SSC5D: variants seen among roughly 807,000 people sequenced by gnomAD.
The protein encoded by SSC5D is soluble scavenger receptor cysteine-rich domain-containing protein SSC5D.
SSC5D carries 106 observed loss-of-function variants against 104.6 expected under a neutral mutation model. That is an observed-to-expected ratio of 1.01 (90% confidence interval 0.87 to 1.19). SSC5D has a LOEUF of 1.19. Ranked by LOEUF, SSC5D falls within the 50% of genes most tolerant of loss-of-function variation. The pLI is 0.00. For missense variants in SSC5D, 1,993 were observed against 2,153.8 expected, an observed-to-expected ratio of 0.93 and a Z score of 1.48; for synonymous variants, 860 against 883.5, an observed-to-expected ratio of 0.97 and a Z score of 0.47.
At chr19:55,495,233 A>ATATATATATATATATATATTTTTTTTT (rs1555765051) in intron 8 of SSC5D, among the ~76,000 whole-genome samples, 1 of 50,664 alleles carries the variant, frequency 2.0e-5, no homozygotes. Flanking sequence ...ATATATATAT[A>ATATATATATATATATATATTTTTTTTT]TTTTTTTTTT....
chr19:55,510,675 A>G (rs1009331483), intron 12 of SSC5D, among the ~76,000 whole-genome samples: 1 of 151,050 alleles, frequency 6.6e-6, no homozygotes, highest in African/African-American at 2.4e-5. Context: ...ATTCACTGCT[A>G]ATGGGTTTTT....
At chr19:55,504,058 C>A in intron 12 of SSC5D, 1 of 1,500,404 alleles carries the variant, frequency 6.7e-7, no homozygotes, top group South Asian at 1.2e-5. Context: ...CTAGAGGCGC[C>A]GTGACTTGGG....
intron 12 of SSC5D, chr19:55,504,408 G>A (rs1305916338): frequency 1.1e-5 from 13 of 1,197,026 alleles, no homozygotes; most frequent in Non-Finnish European, 1.3e-5. Context: ...AGTGGGAGAC[G>A]AGGCAGGCAT....
intron 8 of SSC5D, among the ~76,000 whole-genome samples, chr19:55,494,991 T>G (rs2123435628): frequency 6.6e-6 from 1 of 151,808 alleles, no homozygotes; most frequent in Non-Finnish European, 1.5e-5. Flanking sequence ...GGTCCTAACT[T>G]TCGTCATTTA....
Position 55,489,393 on chromosome 19 carries a change from G to A in SSC5D, c.92G>A (p.Gly31Asp). 1 of 1,483,124 alleles carries A rather than the reference G, an allele frequency of 6.7e-7. No homozygotes were observed. Among genetic ancestry groups the A allele is most frequent in the Non-Finnish European group, 8.9e-7 (1 of 1,124,042 alleles). The allele number at this position is 1,483,124 out of a possible 1,614,324, so 91.9% of individuals were successfully genotyped here. Residue 31 changes from glycine (G) to aspartate (D), a missense_variant, in exon 3 of 14, where the codon GGC becomes GAC. Coordinates refer to ENST00000389623, the MANE Select transcript of SSC5D (RefSeq NM_001144950.2). ...GCCGATGGCCCCCATGGGTGCGCTG[G>A]CCGCCTGGAGGTCTGGCATGGCGGG... ...RLADGPHGCA[G>D]RLEVWHGGRW...
rs1398968063 is a variant in SSC5D, at chr19:55,503,327, T to C, written c.2785+2126T>C. On this transcript the variant is annotated intron_variant, in intron 12 of 13. Coordinates refer to ENST00000389623, the MANE Select transcript of SSC5D (RefSeq NM_001144950.2). The surrounding 1 kb of genome is among the most constrained non-coding windows in gnomAD (Gnocchi z 4.0). ...CTCACTCGATTTTTCACGGTCGGTT[T>C]TGCTATATCACCTCATACTCTCATC... Among the ~76,000 whole-genome samples the C allele has an allele frequency of 6.6e-6, 1 of 152,200 alleles. No individual in the cohort carries two copies. Among genetic ancestry groups the C allele is most frequent in the Non-Finnish European group, 1.5e-5 (1 of 68,044 alleles).
intron 13 of SSC5D, among the ~76,000 whole-genome samples, chr19:55,514,706 A>C (rs1819451988): frequency 6.6e-6 from 1 of 152,140 alleles, no homozygotes; most frequent in Non-Finnish European, 1.5e-5. Context: ...CCCATTTCTC[A>C]GATGAGTGAA....
At chr19:55,501,371 A>G (rs1246700642) in intron 12 of SSC5D, among the ~76,000 whole-genome samples, 170 bp downstream of exon 12, 3 of 152,152 alleles carry the variant, frequency 2.0e-5, no homozygotes, top group South Asian at 2.1e-4. Flanking sequence ...CTTGGGCTCA[A>G]TGGTGACACT....
chr19:55,491,073 C>T lies in SSC5D; in HGVS notation c.888C>T (p.Val296=), dbSNP rs1278522792. Residue 296 remains valine, a synonymous_variant, in exon 6 of 14, where the codon GTC becomes GTT. Coordinates refer to ENST00000389623, the MANE Select transcript of SSC5D (RefSeq NM_001144950.2). ...ACCACAGCGAGGATGCGGGGCTGGT[C>T]TGCACCGGTACGTCGGGCTGGGGCC... ...NCDHSEDAGL[V]CTGPAPRLRL... The T allele has an allele frequency of 6.5e-7, 1 of 1,549,288 alleles. No individual in the cohort carries two copies. The highest frequency in any genetic ancestry group is 1.4e-5 in the African/African-American group (1 of 72,974).
chr19:55,519,049 A>AC lies in SSC5D; in HGVS notation c.*51_*52insC. On this transcript the variant is annotated 3_prime_UTR_variant, in exon 14 of 14. Transcript: ENST00000389623. ...AGACACCCCCAACCAAAAAAAACAA[A>AC]AACAAAAAAAACCCCCAAAGTATCT... The AC allele has an allele frequency of 6.7e-7, 1 of 1,497,490 alleles. No individual in the cohort carries two copies. The highest frequency in any genetic ancestry group is 8.9e-7 in the Non-Finnish European group (1 of 1,121,686). 92.8% of individuals were successfully genotyped at this position (1,497,490 alleles called of 1,614,324 possible). A position where few individuals can be genotyped will look rare whatever the true frequency, so the allele number is the denominator to read the frequency against.
intron 12 of SSC5D, among the ~76,000 whole-genome samples, chr19:55,506,216 T>C (rs998052611): frequency 1.3e-5 from 2 of 151,574 alleles, no homozygotes; most frequent in African/African-American, 4.9e-5. Context: ...TATTATCTTG[T>C]CTATCATGGA....
Position 55,517,669 on chromosome 19 carries a change from A to G in SSC5D, c.3393A>G (p.Pro1131=). 2 of 1,551,498 alleles carry G rather than the reference A, an allele frequency of 1.3e-6. No homozygotes were observed. The highest frequency in any genetic ancestry group is 1.7e-6 in the Non-Finnish European group (2 of 1,146,968). Residue 1131 remains proline (P), a synonymous_variant, in exon 14 of 14, where the codon CCA becomes CCG. Transcript: ENST00000389623. The part of the protein sequence containing the change: ...SDTTPDLDTT[P]YSSTVSEYSR... Reference sequence around the variant, plus strand: ...CAACCCCAGATTTGGACACAACTCCATACTCCAGTACAGTCTCAGAATATT... The same window carrying G: ...CAACCCCAGATTTGGACACAACTCCGTACTCCAGTACAGTCTCAGAATATT...
intron 12 of SSC5D, among the ~76,000 whole-genome samples, chr19:55,501,478 G>T (rs933638590): frequency 1.2e-4 from 18 of 152,148 alleles, no homozygotes; most frequent in African/African-American, 4.1e-4. Flanking sequence ...CAAGCCTGGG[G>T]CCCTCAGTCA....
intron 9 of SSC5D, among the ~76,000 whole-genome samples, chr19:55,499,391 C>T (rs762020222): frequency 3.3e-5 from 5 of 152,230 alleles, no homozygotes; most frequent in African/African-American, 9.6e-5. Context: ...GGGGGCACCA[C>T]AGAAGGATTC....
chr19:55,501,219 G>A lies in SSC5D; in HGVS notation c.2785+18G>A. The A allele has an allele frequency of 6.7e-7, 1 of 1,490,800 alleles. No individual in the cohort carries two copies. Among genetic ancestry groups the A allele is most frequent in the Non-Finnish European group, 8.9e-7 (1 of 1,122,654 alleles). The allele number at this position is 1,490,800 out of a possible 1,614,324, so 92.3% of individuals were successfully genotyped here. ...GGACACAGGTGAGAGGCCTGATTGG[G>A]GTGGCCATGGAGGGCCTCCATAAAC... On this transcript the variant is annotated intron_variant, in intron 12 of 13. Transcript: ENST00000389623.
Position 55,493,705 on chromosome 19 carries a change from C to G in SSC5D, c.1006C>G (p.Arg336Gly). The G allele has an allele frequency of 2.0e-6, 3 of 1,512,246 alleles. No homozygotes were observed. The highest frequency in any genetic ancestry group is 2.6e-6 in the Non-Finnish European group (3 of 1,135,290). 93.7% of individuals were successfully genotyped at this position (1,512,246 alleles called of 1,614,324 possible). ...GGTGTGTGACGACGCCTGGGACCTG[C>G]GAGACGCCGCTGTGGCCTGCCGAGA... ...GSVCDDAWDL[R>G]DAAVACRELG... The change falls in exon 7 of 14, where the codon CGA becomes GGA. Residue 336 changes from arginine (R) to glycine (G), a missense_variant. Physicochemically the swap from Arg to Gly is moderately radical, Grantham distance 125. This residue lies in a region of SSC5D where 1,101 missense variants were observed against 1,085.0 expected (regional missense o/e 1.01). Transcript: ENST00000389623.
intron 8 of SSC5D, among the ~76,000 whole-genome samples, chr19:55,495,216 CATATATATAT>C (rs748224114): frequency 2.4e-4 from 2 of 8,424 alleles, no homozygotes; most frequent in African/African-American, 6.5e-4. Flanking sequence ...TGCCTCCTTT[CATATATATAT>C]ATATATATTT....
At chr19:55,511,213 G>A (rs915264164) in intron 12 of SSC5D, among the ~76,000 whole-genome samples, 6 of 152,196 alleles carry the variant, frequency 3.9e-5, no homozygotes, top group African/African-American at 9.7e-5. Context: ...AAGGCATGAC[G>A]GAGGTGTCTG....
At chr19:55,516,168 A>C (rs1394244988) in intron 13 of SSC5D, among the ~76,000 whole-genome samples, 2 of 26,376 alleles carry the variant, frequency 7.6e-5, no homozygotes, top group African/African-American at 2.5e-4. Context: ...AATTAATGCC[A>C]AAAAAAAAAA....
Sources: allele counts gnomAD v4.1 joint callset (sites outside exome capture counted in the v4.1 genomes callset), GRCh38; gene constraint gnomAD v4.1.1; regional missense constraint gnomAD v4.1.1; non-coding constraint Gnocchi (gnomAD v3.1); transcripts MANE v1.5; gene names NCBI Gene and HGNC (gene_info 2026-07-23, HGNC 2026-07-21).